The following ABCA8 variants were observed in gnomAD, a reference collection of about 807,000 sequenced individuals.
ABCA8 encodes the protein ATP binding cassette subfamily A member 8, also known as ABC-type organic anion transporter ABCA8.
A neutral mutation model predicts 192.3 loss-of-function variants in ABCA8; 177 were observed. The observed-to-expected ratio is 0.92, with a 90% CI of 0.81 to 1.04. ABCA8 has a LOEUF of 1.04. Ranked by LOEUF, ABCA8 falls within the 50% of genes least tolerant of loss-of-function variation. ABCA8 has a pLI of 0.00. For missense variants in ABCA8, 1,915 were observed against 1,904.8 expected (o/e 1.01, Z -0.10); for synonymous variants, 642 against 690.2 (o/e 0.93, Z 1.09).
intron 2 of ABCA8, chr17:68,944,827 G>A (rs2068350488): frequency 6.6e-6 from 1 of 152,182 alleles, no homozygotes; most frequent in South Asian, 2.1e-4. Flanking sequence ...GACCCAGCAC[G>A]GATACAAAGC....
chr17:68,908,498 A>G (rs73998574), intron 17 of ABCA8, among the ~76,000 whole-genome samples: 2,142 of 152,276 alleles, frequency 0.014, 51 homozygotes, highest in African/African-American at 0.048. Flanking sequence ...GGAAGAAAAC[A>G]TGTAGACAAC....
At chr17:68,908,552 G>T (rs189025179) in intron 17 of ABCA8, among the ~76,000 whole-genome samples, 1 of 152,166 alleles carries the variant, frequency 6.6e-6, no homozygotes, top group Non-Finnish European at 1.5e-5. Flanking sequence ...TGCTATGAAG[G>T]AAACTGGATT....
chr17:68,954,170 A>G lies in ABCA8; in HGVS notation c.-167+1049T>C, dbSNP rs368688777. Among the ~76,000 whole-genome samples the G allele has an allele frequency of 4.2e-5, 6 of 144,334 alleles. No individual in the cohort carries two copies. The East Asian group carries it at 1.1e-3, about 26-fold the overall frequency. The allele number at this position is 144,334 out of a possible 152,430, so 94.7% of individuals were successfully genotyped here. On this transcript the variant is annotated intron_variant, in intron 1 of 39. Coordinates refer to ENST00000586539, the MANE Select transcript of ABCA8 (RefSeq NM_001288985.2). ...CATCTAGCATTAGGTATATCTCCCA[A>G]TGCTATCCCTCCCCCCTCCCCCCAC...
Position 68,887,925 on chromosome 17 carries a change from T to TATATATA in ABCA8, c.3145-420_3145-419insTATATAT. Among the ~76,000 whole-genome samples the TATATATA allele has an allele frequency of 3.3e-4, 33 of 100,998 alleles. 1 individual carries two copies. Among genetic ancestry groups the TATATATA allele is most frequent in the African/African-American group, 1.3e-3 (33 of 24,784 alleles). 66.3% of individuals were successfully genotyped at this position (100,998 alleles called of 152,430 possible). A position where few individuals can be genotyped will look rare whatever the true frequency, so the allele number is the denominator to read the frequency against. ...ATATATATCCATATATATATATATA[T>TATATATA]TATATATGGATATATATATTATATA... On this transcript the variant is annotated intron_variant, in intron 24 of 39. Transcript: ENST00000586539.
At chr17:68,926,062 G>A (rs888844299) in intron 10 of ABCA8, among the ~76,000 whole-genome samples, 4 of 152,096 alleles carry the variant, frequency 2.6e-5, no homozygotes, top group African/African-American at 9.7e-5. Flanking sequence ...ATAAAATGCA[G>A]CCATGAAAAT....
chr17:68,907,732 C>A lies in ABCA8; in HGVS notation c.2278+8G>T. 1.9e-6 allele frequency: 3 copies of A among 1,577,988 alleles called. No homozygotes were observed. Among genetic ancestry groups the A allele is most frequent in the Non-Finnish European group, 2.6e-6 (3 of 1,166,260 alleles). On this transcript the variant is annotated splice_region_variant and intron_variant, in intron 18 of 39. Transcript: ENST00000586539. Reference sequence around the variant, plus strand: ...CATATTTTATTTCACAGTGTTCATGCACATTACCTGGAAATTTATTTGTTC... The same window carrying A: ...CATATTTTATTTCACAGTGTTCATGAACATTACCTGGAAATTTATTTGTTC...
intron 1 of ABCA8, among the ~76,000 whole-genome samples, chr17:68,950,023 C>T (rs144532249): frequency 0.019 from 2,879 of 152,010 alleles, 33 homozygotes; most frequent in Non-Finnish European, 0.029. Flanking sequence ...GCTGATGACA[C>T]GATTCTATAT....
rs752216170 is a variant in ABCA8 at position 68,876,574 on chromosome 17, C to T, written c.4276-20G>A. 1 of 1,614,136 alleles carries T rather than the reference C, an allele frequency of 6.2e-7. No homozygotes were observed. The highest frequency in any genetic ancestry group is 2.2e-5 in the East Asian group (1 of 44,874). ...GCACAGCTGCAACGGGAGGAACAGC[C>T]CATCTGGTTCCCATCTATGGCACTT... On this transcript the variant is annotated intron_variant, in intron 34 of 39. Coordinates refer to ENST00000586539, the MANE Select transcript of ABCA8 (RefSeq NM_001288985.2).
intron 33 of ABCA8, 66 bp downstream of exon 33, chr17:68,877,453 G>A: frequency 7.1e-7 from 1 of 1,415,388 alleles, no homozygotes; most frequent in Non-Finnish European, 9.4e-7. Context: ...TTCCTGTGAG[G>A]GTCATCACTC....
rs1475065005 is a variant in ABCA8, at chr17:68,869,700, C to G, written c.4711G>C (p.Val1571Leu). Residue 1571 changes from valine to leucine, a missense_variant and splice_region_variant, in exon 38 of 40, where the codon GTT (valine) becomes CTT (leucine). By Grantham distance (32) the Val-to-Leu change is conservative. Transcript: ENST00000586539. The stretch of plus-strand genomic sequence containing the variant: ...CGTACTTCAAAGTCATACTTCTTAC[C>G]CTTCTCTAATTTGAAGAAAGCTTGG... Reference protein sequence around the residue: ...LAQAFFKLEKVKQSFDLEEYS... With the variant: ...LAQAFFKLEKLKQSFDLEEYS... 17 of 1,602,862 alleles carry G rather than the reference C, an allele frequency of 1.1e-5. No homozygotes were observed. The highest frequency in any genetic ancestry group is 1.7e-5 in the Admixed American group (1 of 59,954).
chr17:68,945,333 A>AT (rs4148015), intron 2 of ABCA8, among the ~76,000 whole-genome samples: 76,181 of 150,782 alleles, frequency 0.51, 19,654 homozygotes, highest in Middle Eastern at 0.59. Flanking sequence ...TACTCAGTTG[A>AT]TTTTTTTTTG....
rs545962760 is a variant in ABCA8, at chr17:68,909,366, C to T, written c.2139-1487G>A. Among the ~76,000 whole-genome samples the T allele has an allele frequency of 1.3e-4, 20 of 152,212 alleles. No homozygotes were observed. In the South Asian group the frequency reaches 3.3e-3, roughly 25 times the overall value. ...GTAAAAGAAAGGGCATGACTGGGCT[C>T]CAACCAAACTGTATTTACAGAAAGA... On this transcript the variant is annotated intron_variant, in intron 17 of 39. Coordinates refer to ENST00000586539, the MANE Select transcript of ABCA8 (RefSeq NM_001288985.2).
At chr17:68,895,296 A>G (rs1271595407) in intron 21 of ABCA8, among the ~76,000 whole-genome samples, 2 of 152,164 alleles carry the variant, frequency 1.3e-5, no homozygotes, top group Non-Finnish European at 2.9e-5. Flanking sequence ...TAAAGCTTTA[A>G]TGATACTGAT....
intron 18 of ABCA8, 38 bp downstream of exon 18, chr17:68,907,701 TA>T: frequency 6.6e-7 from 1 of 1,509,800 alleles, no homozygotes. Flanking sequence ...TGATGACTAT[TA>T]TTCACATATT....
chr17:68,878,923 C>G (rs1192642434), intron 32 of ABCA8: 1 of 152,254 alleles, frequency 6.6e-6, no homozygotes, highest in Non-Finnish European at 1.5e-5. Flanking sequence ...CTACTAGCCC[C>G]TTTCCCACGG....
At position 68,881,186 on chromosome 17, in the gene ABCA8, G is replaced by A. The variant is rs112465629; in HGVS notation, c.3972C>T (p.His1324=). Residue 1324 remains histidine, a synonymous_variant, in exon 32 of 40, where the codon CAC becomes CAT. Coordinates refer to ENST00000586539, the MANE Select transcript of ABCA8 (RefSeq NM_001288985.2). ...RKGEVLGLLG[H]NGAGKSTSIK... is the part of the protein sequence containing the mutation. The stretch of plus-strand genomic sequence containing the variant: ...TGGATGTGCTTTTACCAGCTCCATT[G>A]TGTCCTAATAATCCTAAAACTTCAC... The A allele has an allele frequency of 3.7e-6, 6 of 1,613,474 alleles. No homozygotes were observed. The highest frequency in any genetic ancestry group is 1.3e-5 in the African/African-American group (1 of 74,864).
chr17:68,918,574 A>G, intron 14 of ABCA8, 28 bp from the exon 15 acceptor site: 4 of 1,454,262 alleles, frequency 2.8e-6, no homozygotes, highest in Non-Finnish European at 3.6e-6. Flanking sequence ...TTTATGTCAT[A>G]CACCAAAATT....
intron 37 of ABCA8, among the ~76,000 whole-genome samples, chr17:68,872,314 A>C (rs1256714803): frequency 6.6e-6 from 1 of 151,916 alleles, no homozygotes; most frequent in African/African-American, 2.4e-5. Context: ...CATCATTCTC[A>C]GTAAACTATT....
rs916872322 is a variant in ABCA8, at chr17:68,867,838, T to C, written c.*247A>G. On this transcript the variant is annotated 3_prime_UTR_variant, in exon 40 of 40. Coordinates refer to ENST00000586539, the MANE Select transcript of ABCA8 (RefSeq NM_001288985.2). ...AAAAGTAAATTTATTTATTCAGTAT[T>C]ATACAGAACAATGGAACCAGTATGG... 2 of 363,352 alleles carry C rather than the reference T, an allele frequency of 5.5e-6. No individual in the cohort carries two copies. Among genetic ancestry groups the C allele is most frequent in the African/African-American group, 4.1e-5 (2 of 48,440 alleles). 22.5% of individuals were successfully genotyped at this position (363,352 alleles called of 1,614,324 possible). A position where few individuals can be genotyped will look rare whatever the true frequency, so the allele number is the denominator to read the frequency against.
Sources: allele counts gnomAD v4.1 joint callset (sites outside exome capture counted in the v4.1 genomes callset), GRCh38; gene constraint gnomAD v4.1.1; transcripts MANE v1.5; gene names NCBI Gene and HGNC (gene_info 2026-07-23, HGNC 2026-07-21).